Variants in YPEL5 observed in about 807,000 individuals in gnomAD.
The protein encoded by YPEL5 is yippee like 5.
Under a neutral mutation model 10.5 loss-of-function variants are expected in YPEL5, and 1 was observed. That is an observed-to-expected ratio of 0.10 (90% confidence interval 0.03 to 0.45). The LOEUF (loss-of-function observed/expected upper bound fraction) is 0.45, where lower values mean the gene tolerates loss of function less well. Ranked by LOEUF, YPEL5 falls within the 20% of genes least tolerant of loss-of-function variation. YPEL5 has a pLI of 0.97. For synonymous variants in YPEL5, 61 were observed against 56.6 expected (o/e 1.08, Z -0.35); for missense variants, 68 against 159.3 (o/e 0.43, Z 3.09).
chr2:30,149,809 A>G (rs751688998), intron 1 of YPEL5, among the ~76,000 whole-genome samples: 2 of 152,240 alleles, frequency 1.3e-5, no homozygotes, highest in African/African-American at 2.4e-5. Flanking sequence ...GATGCAATGG[A>G]AAACCCACTG....
At chr2:30,154,271 A>C (rs1675940234) in intron 1 of YPEL5, among the ~76,000 whole-genome samples, 1 of 152,250 alleles carries the variant, frequency 6.6e-6, no homozygotes, top group Admixed American at 6.5e-5. Flanking sequence ...CCTTCTGTTA[A>C]TGATCAAGAT....
chr2:30,149,218 T>A (rs1205605347), intron 1 of YPEL5, among the ~76,000 whole-genome samples: 1 of 152,196 alleles, frequency 6.6e-6, no homozygotes, highest in Admixed American at 6.5e-5. Flanking sequence ...TAAGTGTTAT[T>A]GAAATATAGT....
At position 30,159,075 on chromosome 2, in the gene YPEL5, C is replaced by T; in HGVS notation, c.*232C>T. The T allele has an allele frequency of 1.9e-6, 1 of 527,114 alleles. No individual in the cohort carries two copies. The highest frequency in any genetic ancestry group is 2.4e-5 in the South Asian group (1 of 41,236). 32.7% of individuals were successfully genotyped at this position (527,114 alleles called of 1,614,324 possible). A position where few individuals can be genotyped will look rare whatever the true frequency, so the allele number is the denominator to read the frequency against. On this transcript the variant is annotated 3_prime_UTR_variant, in exon 3 of 3. Transcript: ENST00000261353. ...TTATGCAGATGCCGTTAATTTTTTA[C>T]CCTATGTTTACATCTTGAGGCAGCA...
chr2:30,150,835 C>A (rs1010227548), intron 1 of YPEL5, among the ~76,000 whole-genome samples: 36 of 152,226 alleles, frequency 2.4e-4, no homozygotes, highest in African/African-American at 8.2e-4. Context: ...ACTTTGCAAG[C>A]CAGAAGGTTT....
In YPEL5 at chr2:30,156,619, T is replaced by A. The variant is rs776515176; in HGVS notation, c.-24-9T>A. The A allele has an allele frequency of 2.2e-5, 35 of 1,612,032 alleles. No homozygotes were observed. Among genetic ancestry groups the A allele is most frequent in the Non-Finnish European group, 3.0e-5 (35 of 1,178,970 alleles). ...AATGCATTTGTTATCCTTTTCTATTTGCTCCTAGGTTTTTAGAACTTCAGC... is the reference window on the plus strand; with the variant it reads ...AATGCATTTGTTATCCTTTTCTATTAGCTCCTAGGTTTTTAGAACTTCAGC... On this transcript the variant is annotated splice_polypyrimidine_tract_variant and intron_variant, in intron 1 of 2. Coordinates refer to ENST00000261353, the MANE Select transcript of YPEL5 (RefSeq NM_016061.3).
chr2:30,158,547 C>A, intron 2 of YPEL5, 72 bp from the exon 3 acceptor site: 1 of 1,432,926 alleles, frequency 7.0e-7, no homozygotes. Context: ...TTGCATTAAC[C>A]ATAATATTTT....
chr2:30,153,105 G>A (rs537385725), intron 1 of YPEL5, among the ~76,000 whole-genome samples: 6 of 152,162 alleles, frequency 3.9e-5, no homozygotes, highest in Non-Finnish European at 7.4e-5. Context: ...GTTTCACAGT[G>A]TTAGCCAGGA....
Position 30,150,549 on chromosome 2 carries a change from CTA to C in YPEL5, c.-25+3489_-25+3490del, listed in dbSNP as rs1343470629. Among the ~76,000 whole-genome samples the C allele has an allele frequency of 3.9e-5, 6 of 152,158 alleles. No individual in the cohort carries two copies. The East Asian group carries it at 1.2e-3, about 29-fold the overall frequency. On this transcript the variant is annotated intron_variant, in intron 1 of 2. Coordinates refer to ENST00000261353, the MANE Select transcript of YPEL5 (RefSeq NM_016061.3). ...GGAGAGAGCAGCTGGTAGATATTATCTATTTTTATAATCTTTATTAGAGTTGA... is the reference window on the plus strand; with the variant it reads ...GGAGAGAGCAGCTGGTAGATATTATCTTTTTATAATCTTTATTAGAGTTGA...
At chr2:30,153,924 A>C (rs538011784) in intron 1 of YPEL5, among the ~76,000 whole-genome samples, 1 of 152,366 alleles carries the variant, frequency 6.6e-6, no homozygotes, top group East Asian at 1.9e-4. Flanking sequence ...ATTTACCCTC[A>C]GTAGGAAATG....
rs934031730 is a variant in YPEL5 at position 30,159,089 on chromosome 2, C to A, written c.*246C>A. The A allele has an allele frequency of 4.1e-6, 2 of 488,330 alleles. No individual in the cohort carries two copies. The highest frequency in any genetic ancestry group is 2.6e-5 in the South Asian group (1 of 38,514). 30.2% of individuals were successfully genotyped at this position (488,330 alleles called of 1,614,324 possible). A position where few individuals can be genotyped will look rare whatever the true frequency, so the allele number is the denominator to read the frequency against. ...TTAATTTTTTACCCTATGTTTACAT[C>A]TTGAGGCAGCAGAGTCTGTCTGCAG... On this transcript the variant is annotated 3_prime_UTR_variant, in exon 3 of 3. Transcript: ENST00000261353.
chr2:30,159,087 A>G lies in YPEL5; in HGVS notation c.*244A>G, dbSNP rs3087895. 67,192 of 495,396 alleles carry G rather than the reference A, an allele frequency of 0.14. 5,628 individuals are homozygous for G. The highest frequency in any genetic ancestry group is 0.29 in the Admixed American group (8,019 of 27,464). 30.7% of individuals were successfully genotyped at this position (495,396 alleles called of 1,614,324 possible). Reference sequence around the variant, plus strand: ...CGTTAATTTTTTACCCTATGTTTACATCTTGAGGCAGCAGAGTCTGTCTGC... The same window carrying G: ...CGTTAATTTTTTACCCTATGTTTACGTCTTGAGGCAGCAGAGTCTGTCTGC... On this transcript the variant is annotated 3_prime_UTR_variant, in exon 3 of 3. Coordinates refer to ENST00000261353, the MANE Select transcript of YPEL5 (RefSeq NM_016061.3).
chr2:30,154,085 A>G (rs897770705), intron 1 of YPEL5, among the ~76,000 whole-genome samples: 2 of 152,228 alleles, frequency 1.3e-5, no homozygotes, highest in African/African-American at 4.8e-5. Flanking sequence ...GGTTGAAATA[A>G]ATTACAACAT....
chr2:30,155,273 T>C (rs935904791), intron 1 of YPEL5, among the ~76,000 whole-genome samples: 2 of 152,256 alleles, frequency 1.3e-5, no homozygotes, highest in Non-Finnish European at 2.9e-5. Flanking sequence ...TATTCCCTAT[T>C]AAACTTTCAT....
rs1319567077 is a variant in YPEL5 at position 30,160,228 on chromosome 2, T to G, written c.*1385T>G. The stretch of plus-strand genomic sequence containing the variant: ...TGTCTAGAAAGGAAATTTGCCTCAG[T>G]TGAATTAGTGAAATATTTCTGTCGT... On this transcript the variant is annotated 3_prime_UTR_variant, in exon 3 of 3. Coordinates refer to ENST00000261353, the MANE Select transcript of YPEL5 (RefSeq NM_016061.3). 1 of 152,414 alleles carries G rather than the reference T, an allele frequency of 6.6e-6. No individual in the cohort carries two copies. The highest frequency in any genetic ancestry group is 1.5e-5 in the Non-Finnish European group (1 of 68,038). 9.4% of individuals were successfully genotyped at this position (152,414 alleles called of 1,614,324 possible).
chr2:30,152,218 T>A (rs1572752859), intron 1 of YPEL5, among the ~76,000 whole-genome samples: 4 of 152,340 alleles, frequency 2.6e-5, no homozygotes, highest in Admixed American at 2.6e-4. Flanking sequence ...AGAAAAAAGT[T>A]TCAAATTTTA....
At position 30,148,457 on chromosome 2, in the gene YPEL5, T is replaced by TC. The variant is rs1375999853; in HGVS notation, c.-25+1398dup. On this transcript the variant is annotated intron_variant, in intron 1 of 2. Transcript: ENST00000261353. Reference sequence around the variant, plus strand: ...AGAGGAACCAAAAGGCCTGTGGTGTTCCCAGGGTACATATTCATGCCAGAA... The same window carrying TC: ...AGAGGAACCAAAAGGCCTGTGGTGTTCCCCAGGGTACATATTCATGCCAGAA... 5.2e-5 allele frequency: 8 copies of TC among 152,388 alleles called. No individual in the cohort carries two copies. The East Asian group carries it at 1.3e-3, about 26-fold the overall frequency. 9.4% of individuals were successfully genotyped at this position (152,388 alleles called of 1,614,324 possible). A position where few individuals can be genotyped will look rare whatever the true frequency, so the allele number is the denominator to read the frequency against.
In YPEL5 at chr2:30,152,890, G is replaced by GTTTTTTTTTTTTTTTTTTTTTTTTTTT. The variant is rs373848986; in HGVS notation, c.-24-3719_-24-3718insTTTTTTTTTTTTTTTTTTTTTTTTTTT. On this transcript the variant is annotated intron_variant, in intron 1 of 2. Transcript: ENST00000261353. The stretch of plus-strand genomic sequence containing the variant: ...CTTAGCTTTTTAATGACTGTCCTTT[G>GTTTTTTTTTTTTTTTTTTTTTTTTTTT]TTTTTTTTTTTTTTTTTTTGGTTTT... Among the ~76,000 whole-genome samples, 2 of 122,726 alleles carry GTTTTTTTTTTTTTTTTTTTTTTTTTTT rather than the reference G, an allele frequency of 1.6e-5. 1 individual carries two copies. 80.5% of individuals were successfully genotyped at this position (122,726 alleles called of 152,430 possible).
chr2:30,147,466 C>A (rs902459964), intron 1 of YPEL5: 55 of 149,542 alleles, frequency 3.7e-4, no homozygotes, highest in African/African-American at 1.3e-3. Context: ...ACGGTCTGGC[C>A]GCGACCCCCA....
chr2:30,152,594 A>G (rs1675849427), intron 1 of YPEL5, among the ~76,000 whole-genome samples: 1 of 152,222 alleles, frequency 6.6e-6, no homozygotes. Flanking sequence ...ACCCTGAGGG[A>G]GAGAGTAAAT....
Sources: gnomAD v4.1 joint callset for allele counts (sites outside exome capture counted in the v4.1 genomes callset) on GRCh38, gnomAD v4.1.1 for gene constraint, MANE v1.5 for transcripts, NCBI Gene and HGNC (gene_info 2026-07-23, HGNC 2026-07-21) for gene names.